Variants in HIVEP1 observed in about 807,000 individuals in gnomAD.
The protein encoded by HIVEP1 is zinc finger protein 40.
HIVEP1 carries 36 observed loss-of-function variants against 180.0 expected under a neutral mutation model. That is an observed-to-expected ratio of 0.20 (90% CI 0.15 to 0.26). HIVEP1 has a LOEUF of 0.26. HIVEP1 is among the 10% of genes least tolerant of loss of function. The pLI is 1.00. For missense variants in HIVEP1, 3,143 were observed against 3,268.7 expected (o/e 0.96, Z 0.94); for synonymous variants, 1,239 against 1,239.0 (o/e 1.00, Z 0.00).
intron 2 of HIVEP1, among the ~76,000 whole-genome samples, chr6:12,024,284 AGTT>A (rs1466763981): frequency 6.6e-6 from 1 of 150,400 alleles, no homozygotes; most frequent in Non-Finnish European, 1.5e-5. Flanking sequence ...TTTAATGAGA[AGTT>A]GTCAAAAGGT....
At chr6:12,111,207 T>A (rs948306019) in intron 3 of HIVEP1, among the ~76,000 whole-genome samples, 1 of 152,224 alleles carries the variant, frequency 6.6e-6, no homozygotes, top group Non-Finnish European at 1.5e-5. Flanking sequence ...AGAAAAAATA[T>A]GTCACACACC....
Position 12,163,579 on chromosome 6 carries a change from G to T in HIVEP1, c.7275G>T (p.Gln2425His). The change falls in exon 9 of 9, where the codon CAG (glutamine) becomes CAT (histidine). Residue 2425 changes from glutamine (Q) to histidine (H), a missense_variant. Physicochemically the swap from Gln to His is conservative, Grantham distance 24 (BLOSUM62 0). Transcript: ENST00000379388. ...TFVPLQAGPV[Q>H]LTIPAVSVVH... ...TGCCCCTTCAGGCTGGACCAGTGCA[G>T]CTCACGATCCCTGCTGTCAGTGTCG... The T allele has an allele frequency of 6.2e-7, 1 of 1,614,212 alleles. No homozygotes were observed. Among genetic ancestry groups the T allele is most frequent in the Non-Finnish European group, 8.5e-7 (1 of 1,180,048 alleles).
intron 2 of HIVEP1, among the ~76,000 whole-genome samples, chr6:12,071,557 AATT>A (rs1771968385): frequency 1.3e-5 from 2 of 152,220 alleles, no homozygotes; most frequent in South Asian, 4.1e-4. Context: ...AAAGAGAACA[AATT>A]ATTAATTTTT....
At chr6:12,203,229 C>T in the HIVEP1 span, among the ~76,000 whole-genome samples, 2 of 152,176 alleles carry the variant, frequency 1.3e-5, no homozygotes, top group Non-Finnish European at 2.9e-5. Flanking sequence ...ATGGTAGCTT[C>T]GCTTTACACT....
chr6:12,069,821 C>T (rs1771849558), intron 2 of HIVEP1, among the ~76,000 whole-genome samples: 1 of 151,824 alleles, frequency 6.6e-6, no homozygotes, highest in Non-Finnish European at 1.5e-5. Flanking sequence ...AACTTTTTGA[C>T]TCTTCTATGA....
intron 2 of HIVEP1, among the ~76,000 whole-genome samples, chr6:12,081,768 C>T (rs1772805307): frequency 1.3e-5 from 2 of 152,152 alleles, no homozygotes; most frequent in Non-Finnish European, 2.9e-5. Flanking sequence ...ATCCCCTGCT[C>T]CTTCGCAGTT....
intron 3 of HIVEP1, among the ~76,000 whole-genome samples, chr6:12,112,593 C>G (rs539798707): frequency 6.6e-6 from 1 of 152,120 alleles, no homozygotes; most frequent in South Asian, 2.1e-4. Context: ...ATGGCGGGGA[C>G]TGGGACTCTG....
chr6:12,181,632 C>G, the HIVEP1 span, among the ~76,000 whole-genome samples: 1 of 152,068 alleles, frequency 6.6e-6, no homozygotes, highest in Admixed American at 6.6e-5. Context: ...CTGAAGTAAT[C>G]CAAAAGAAAA....
rs1249555050 is a variant in HIVEP1, at chr6:12,038,670, TCAA to T, written c.40+23007_40+23009del. The T allele has an allele frequency of 1.5e-4, 23 of 151,688 alleles. 1 individual carries two copies. Among genetic ancestry groups the T allele is most frequent in the Admixed American group, 1.5e-3 (23 of 15,214 alleles). 9.4% of individuals were successfully genotyped at this position (151,688 alleles called of 1,614,324 possible). A position where few individuals can be genotyped will look rare whatever the true frequency, so the allele number is the denominator to read the frequency against. On this transcript the variant is annotated intron_variant, in intron 2 of 8. Transcript: ENST00000379388. ...CTGGGCGACAGGGCGAGACTCCATC[TCAA>T]CAACGACAACAACAACAACAACAAC...
At chr6:12,031,524 C>T (rs1213292299) in intron 2 of HIVEP1, among the ~76,000 whole-genome samples, 2 of 152,156 alleles carry the variant, frequency 1.3e-5, no homozygotes, top group Non-Finnish European at 1.5e-5. Flanking sequence ...ATTGGGATTG[C>T]CAGTTTAACT....
At chr6:12,187,369 G>A in the HIVEP1 span, among the ~76,000 whole-genome samples, 3 of 152,072 alleles carry the variant, frequency 2.0e-5, no homozygotes, top group Non-Finnish European at 4.4e-5. Context: ...TCCCTGTGGG[G>A]TGGTGAGTGA....
At chr6:12,195,293 G>C in the HIVEP1 span, among the ~76,000 whole-genome samples, 1 of 152,098 alleles carries the variant, frequency 6.6e-6, no homozygotes, top group South Asian at 2.1e-4. Flanking sequence ...ACATTTCCTG[G>C]TATAGAGTAA....
chr6:12,042,841 A>G (rs1430566550), intron 2 of HIVEP1, among the ~76,000 whole-genome samples: 1 of 152,216 alleles, frequency 6.6e-6, no homozygotes, highest in African/African-American at 2.4e-5. Context: ...TCAGTGATAC[A>G]TAAAATAATG....
At chr6:12,176,369 T>G in the HIVEP1 span, among the ~76,000 whole-genome samples, 2 of 151,812 alleles carry the variant, frequency 1.3e-5, no homozygotes, top group Non-Finnish European at 2.9e-5. Flanking sequence ...GTAGCTGGGA[T>G]TACAGGCGCC....
chr6:12,105,795 A>T (rs1168632868), intron 3 of HIVEP1, among the ~76,000 whole-genome samples: 1 of 152,086 alleles, frequency 6.6e-6, no homozygotes, highest in Non-Finnish European at 1.5e-5. Context: ...TCCCAGCCCA[A>T]GGTGAGCTAA....
chr6:12,204,389 C>T, the HIVEP1 span, among the ~76,000 whole-genome samples: 455 of 152,342 alleles, frequency 3.0e-3, 1 homozygote, highest in Non-Finnish European at 4.4e-3. Flanking sequence ...CCCCTTTCTC[C>T]CTCCCTTTCC....
In HIVEP1 at chr6:12,122,235, T is replaced by C. The variant is rs202186757; in HGVS notation, c.2440T>C (p.Phe814Leu). Residue 814 changes from phenylalanine (F) to leucine (L), a missense_variant, in exon 4 of 9, where the codon TTC becomes CTC. Coordinates refer to ENST00000379388, the MANE Select transcript of HIVEP1 (RefSeq NM_002114.4). ...AAGCTCTGATATACCGAAGTCACCT[T>C]TCACCCCTACTGAAAAATCAAAGCA... ...SSSSDIPKSP[F>L]TPTEKSKQVF... The C allele has an allele frequency of 2.5e-6, 4 of 1,614,192 alleles. No homozygotes were observed. The East Asian group carries it at 8.9e-5, about 36-fold the overall frequency.
upstream of HIVEP1, chr6:12,012,263 C>CCCCCGGCCCGCT (rs1767387949): frequency 6.8e-6 from 1 of 147,988 alleles, no homozygotes; most frequent in Admixed American, 6.7e-5. Context: ...CCCCCCCCGC[C>CCCCCGGCCCGCT]CCCCGGCCCG....
chr6:12,207,737 C>T, the HIVEP1 span, among the ~76,000 whole-genome samples: 2 of 21,540 alleles, frequency 9.3e-5, no homozygotes, highest in East Asian at 3.4e-3. Context: ...AGAACAGTCT[C>T]TACAAAATAA....
Sources: gnomAD v4.1 joint callset for allele counts (sites outside exome capture counted in the v4.1 genomes callset) on GRCh38, gnomAD v4.1.1 for gene constraint, MANE v1.5 for transcripts, NCBI Gene and HGNC (gene_info 2026-07-23, HGNC 2026-07-21) for gene names.